Variants in RALGPS1 observed in about 807,000 individuals in gnomAD.
RALGPS1 encodes ras-specific guanine nucleotide-releasing factor RalGPS1.
In RALGPS1, 19 loss-of-function variants were observed where a neutral mutation model predicts 78.8. The ratio of observed to expected loss-of-function variants is 0.24; its 90% CI spans 0.17 to 0.35. The LOEUF (loss-of-function observed/expected upper bound fraction) is 0.35, where lower values mean the gene tolerates loss of function less well. Among genes scored for constraint, RALGPS1 ranks in the 10% least tolerant of loss-of-function variants. The pLI, the probability that RALGPS1 is intolerant of heterozygous loss-of-function variation, is 1.00. For synonymous variants in RALGPS1, 228 were observed against 256.3 expected, an observed-to-expected ratio of 0.89 and a Z score of 1.06; for missense variants, 454 against 688.3, an observed-to-expected ratio of 0.66 and a Z score of 3.81.
intron 8 of RALGPS1, among the ~76,000 whole-genome samples, chr9:127,133,267 G>A (rs532879363): frequency 7.9e-5 from 12 of 152,350 alleles, no homozygotes; most frequent in African/African-American, 2.9e-4. Flanking sequence ...CTCAGCCCCA[G>A]TCCCCAAGGG....
intron 1 of RALGPS1, among the ~76,000 whole-genome samples, chr9:126,951,066 G>A (rs369612463): frequency 2.6e-5 from 4 of 152,060 alleles, no homozygotes; most frequent in East Asian, 1.9e-4. Context: ...TAGAAAATCT[G>A]GAAGAAATGG....
At chr9:127,176,623 G>GT (rs1175291843) in intron 11 of RALGPS1, among the ~76,000 whole-genome samples, 1 of 152,220 alleles carries the variant, frequency 6.6e-6, no homozygotes, top group Non-Finnish European at 1.5e-5. Flanking sequence ...AGCCTCTTCA[G>GT]TTCAATAGCC....
chr9:126,973,327 C>T (rs2040297866), intron 3 of RALGPS1, among the ~76,000 whole-genome samples: 1 of 152,174 alleles, frequency 6.6e-6, no homozygotes, highest in Non-Finnish European at 1.5e-5. Flanking sequence ...GGTATGATCA[C>T]ACCACTGCAT....
intron 11 of RALGPS1, among the ~76,000 whole-genome samples, chr9:127,189,361 C>T (rs535345532): frequency 1.5e-4 from 23 of 152,306 alleles, no homozygotes; most frequent in African/African-American, 5.3e-4. Context: ...GGCATTGCCT[C>T]CCCTGTCTCC....
chr9:127,217,359 G>A (rs1217937210), intron 18 of RALGPS1: 2 of 1,003,070 alleles, frequency 2.0e-6, no homozygotes, highest in Admixed American at 1.2e-4. Flanking sequence ...CAACAGCAGA[G>A]GATGATTTAA....
At chr9:127,097,183 T>G (rs1375244631) in intron 8 of RALGPS1, among the ~76,000 whole-genome samples, 1 of 152,246 alleles carries the variant, frequency 6.6e-6, no homozygotes, top group Non-Finnish European at 1.5e-5. Context: ...CTTTAATGAT[T>G]TTTTTCTTCC....
intron 8 of RALGPS1, among the ~76,000 whole-genome samples, chr9:127,120,619 C>T (rs1380246126): frequency 2.0e-5 from 3 of 152,152 alleles, no homozygotes; most frequent in African/African-American, 4.8e-5. Context: ...GTCAGGAGAT[C>T]GAGACCATCC....
intron 1 of RALGPS1, among the ~76,000 whole-genome samples, chr9:126,957,668 TA>T (rs1354370010): frequency 1.3e-5 from 2 of 152,208 alleles, no homozygotes; most frequent in Non-Finnish European, 2.9e-5. Context: ...GATTTACTTT[TA>T]GTCTCAGTTT....
At chr9:127,065,567 A>G (rs1314482450) in intron 7 of RALGPS1, among the ~76,000 whole-genome samples, 2 of 152,198 alleles carry the variant, frequency 1.3e-5, no homozygotes, top group Middle Eastern at 3.4e-3. Context: ...TTCTTATCCT[A>G]TCTACCAGAT....
At chr9:127,069,182 T>C (rs772615588) in intron 7 of RALGPS1, 48 bp from the exon 8 acceptor site, 12 of 1,538,658 alleles carry the variant, frequency 7.8e-6, no homozygotes, top group African/African-American at 4.1e-5. Flanking sequence ...ATCCACTCTT[T>C]AGCTTCTTCT....
intron 17 of RALGPS1, chr9:127,213,920 T>C (rs1420515028): frequency 6.6e-6 from 1 of 152,218 alleles, no homozygotes; most frequent in Non-Finnish European, 1.5e-5. Flanking sequence ...CAGGCTCTAA[T>C]GTTCTTAGCT....
chr9:127,032,661 G>T (rs1218994031), intron 4 of RALGPS1, among the ~76,000 whole-genome samples: 1 of 152,168 alleles, frequency 6.6e-6, no homozygotes. Flanking sequence ...GAGGGAGATA[G>T]TACATGTAAC....
At chr9:126,974,183 A>T (rs544414434) in intron 3 of RALGPS1, among the ~76,000 whole-genome samples, 2 of 152,292 alleles carry the variant, frequency 1.3e-5, no homozygotes, top group South Asian at 4.1e-4. Flanking sequence ...CTAGTTTGAC[A>T]TTTTTTAAAA....
At chr9:126,976,384 CT>C (rs1195313209) in intron 3 of RALGPS1, among the ~76,000 whole-genome samples, 1 of 125,330 alleles carries the variant, frequency 8.0e-6, no homozygotes, top group African/African-American at 2.5e-5. Flanking sequence ...CACTTATACG[CT>C]TACACTCACA....
chr9:127,088,859 AGTT>A, intron 8 of RALGPS1: 2 of 1,518,930 alleles, frequency 1.3e-6, no homozygotes, highest in South Asian at 1.1e-5. Context: ...ACTGGTGAGG[AGTT>A]GTTCTTTGTG....
At chr9:127,017,013 A>G (rs548267786) in intron 4 of RALGPS1, 1 of 152,344 alleles carries the variant, frequency 6.6e-6, no homozygotes, top group Admixed American at 6.5e-5. Flanking sequence ...TTCTGTAAAT[A>G]TTAAAAAAAA....
intron 4 of RALGPS1, among the ~76,000 whole-genome samples, chr9:127,026,898 G>A (rs779295360): frequency 6.6e-5 from 10 of 152,192 alleles, no homozygotes; most frequent in Non-Finnish European, 1.2e-4. Flanking sequence ...TTCCAGCATG[G>A]AAGCCTTTAA....
At chr9:127,142,674 T>G (rs757633806) in intron 8 of RALGPS1, among the ~76,000 whole-genome samples, 1 of 152,194 alleles carries the variant, frequency 6.6e-6, no homozygotes, top group Non-Finnish European at 1.5e-5. Flanking sequence ...GAGCACACAA[T>G]GATCAGCCAA....
intron 4 of RALGPS1, among the ~76,000 whole-genome samples, chr9:126,993,816 C>T (rs10124228): frequency 0.03 from 4,562 of 152,216 alleles, 207 homozygotes; most frequent in African/African-American, 0.1. Context: ...ACCGGGCACT[C>T]CTCTGAGACA....
Sources: gnomAD v4.1 joint callset for allele counts (sites outside exome capture counted in the v4.1 genomes callset) on GRCh38, gnomAD v4.1.1 for gene constraint, MANE v1.5 for transcripts, NCBI Gene and HGNC (gene_info 2026-07-23, HGNC 2026-07-21) for gene names.